The following MLLT10 variants were observed in gnomAD, a reference collection of about 807,000 sequenced individuals.
MLLT10 encodes the protein protein AF-10.
In MLLT10, 30 loss-of-function variants were observed where a neutral mutation model predicts 129.1. That is an observed-to-expected ratio of 0.23 (90% CI 0.17 to 0.32). The LOEUF is 0.32. MLLT10 is among the 10% of genes least tolerant of loss of function. The pLI is 1.00. For missense variants in MLLT10, 1,119 were observed against 1,268.3 expected, an observed-to-expected ratio of 0.88 and a Z score of 1.79; for synonymous variants, 490 against 446.4, an observed-to-expected ratio of 1.10 and a Z score of -1.23.
chr10:21,725,198 A>G (rs1311713585), intron 14 of MLLT10, among the ~76,000 whole-genome samples: 1 of 152,218 alleles, frequency 6.6e-6, no homozygotes, highest in African/African-American at 2.4e-5. Context: ...ACTAGAAGTA[A>G]AAGTTGGACT....
intron 3 of MLLT10, among the ~76,000 whole-genome samples, chr10:21,569,208 C>T (rs1241045604): frequency 6.6e-6 from 1 of 152,076 alleles, no homozygotes; most frequent in African/African-American, 2.4e-5. Flanking sequence ...TGGTGTTATT[C>T]AAGCTTCTGT....
intron 11 of MLLT10, among the ~76,000 whole-genome samples, chr10:21,680,017 G>A (rs2052575852): frequency 1.3e-5 from 2 of 151,950 alleles, no homozygotes; most frequent in Admixed American, 1.3e-4. Context: ...CACAGCCTTG[G>A]TCCTAGTTTT....
chr10:21,644,009 T>G (rs1290885105), intron 8 of MLLT10, among the ~76,000 whole-genome samples: 1 of 152,222 alleles, frequency 6.6e-6, no homozygotes, highest in Non-Finnish European at 1.5e-5. Context: ...TGGCAATGTG[T>G]ATTTTCCTTG....
intron 3 of MLLT10, among the ~76,000 whole-genome samples, chr10:21,571,207 A>G (rs1341251172): frequency 3.3e-5 from 5 of 152,254 alleles, no homozygotes; most frequent in South Asian, 2.1e-4. Flanking sequence ...TATTACCTCT[A>G]ATTCTTTTGG....
chr10:21,732,285 AGACTGAAAGTCAGCCT>A (rs1158156749), intron 17 of MLLT10, among the ~76,000 whole-genome samples: 1 of 152,222 alleles, frequency 6.6e-6, no homozygotes, highest in Non-Finnish European at 1.5e-5. Context: ...TGATGGGGCC[AGACTGAAAGTCAGCCT>A]GTTTACAGGG....
At chr10:21,738,686 C>T (rs2058584330) in intron 21 of MLLT10, 1 of 460,496 alleles carries the variant, frequency 2.2e-6, no homozygotes, top group Non-Finnish European at 2.9e-6. Context: ...CTTAACGTCA[C>T]CTGGCAACGG....
chr10:21,693,107 A>C (rs1049097054), intron 13 of MLLT10, among the ~76,000 whole-genome samples: 5 of 152,086 alleles, frequency 3.3e-5, no homozygotes, highest in Admixed American at 2.6e-4. Flanking sequence ...CTCTTAGCTG[A>C]AGTACTCTCC....
chr10:21,625,713 T>C (rs1361293764), intron 8 of MLLT10: 12 of 768,116 alleles, frequency 1.6e-5, no homozygotes, highest in Non-Finnish European at 2.9e-5. Flanking sequence ...GTCTGTTGTT[T>C]GCCACAGAAA....
Position 21,651,714 on chromosome 10 carries a change from G to T in MLLT10, c.741G>T (p.Lys247Asn), listed in dbSNP as rs779221035. ...EKDKHKQKHK[K>N]QPEPSPALVP... ...ACAAACACAAACAGAAACACAAGAA[G>T]CAGCCAGAACCATCACCTGCATTGG... The change falls in exon 9 of 23, where the codon AAG becomes AAT. Residue 247 changes from lysine (K) to asparagine (N), a missense_variant. By Grantham distance (94) the Lys-to-Asn change is moderately conservative. Transcript: ENST00000307729. 1 of 1,613,276 alleles carries T rather than the reference G, an allele frequency of 6.2e-7. No homozygotes were observed. Among genetic ancestry groups the T allele is most frequent in the East Asian group, 2.2e-5 (1 of 44,830 alleles).
intron 13 of MLLT10, among the ~76,000 whole-genome samples, chr10:21,706,994 C>T (rs544316107): frequency 1.3e-4 from 20 of 152,138 alleles, no homozygotes; most frequent in Non-Finnish European, 2.5e-4. Flanking sequence ...GTATGAACTC[C>T]TCTTCTAGGA....
chr10:21,588,190 C>T (rs902115124), intron 4 of MLLT10, among the ~76,000 whole-genome samples: 2 of 152,130 alleles, frequency 1.3e-5, no homozygotes, highest in African/African-American at 4.8e-5. Context: ...CCTCAGCCTC[C>T]CAAGTTCCTG....
chr10:21,698,123 T>G (rs1189269966), intron 13 of MLLT10, among the ~76,000 whole-genome samples: 1 of 152,220 alleles, frequency 6.6e-6, no homozygotes, highest in Non-Finnish European at 1.5e-5. Context: ...TTGCTAATGA[T>G]AGTCACCCTA....
chr10:21,736,117 C>T (rs1351100773), intron 21 of MLLT10, among the ~76,000 whole-genome samples: 1 of 152,162 alleles, frequency 6.6e-6, no homozygotes, highest in Non-Finnish European at 1.5e-5. Flanking sequence ...TAATGATTTA[C>T]ATTTTAAAGG....
intron 13 of MLLT10, chr10:21,688,510 A>G (rs74657576): frequency 6.2e-7 from 1 of 1,613,086 alleles, no homozygotes; most frequent in Non-Finnish European, 8.5e-7. Flanking sequence ...ACAGTTCTAC[A>G]CTAACAAAGC....
In MLLT10 at chr10:21,716,016, C is replaced by T. The variant is rs1009119519; in HGVS notation, c.1878+2066C>T. Reference sequence around the variant, plus strand: ...GTGCTGCTGTAGCAACCATCAGTCTCCAGGCAACTGAGGCACGTTGACCTC... The same window carrying T: ...GTGCTGCTGTAGCAACCATCAGTCTTCAGGCAACTGAGGCACGTTGACCTC... On this transcript the variant is annotated intron_variant, in intron 14 of 22. Coordinates refer to ENST00000307729, the MANE Select transcript of MLLT10 (RefSeq NM_001195626.3). Among the ~76,000 whole-genome samples, 3 of 152,218 alleles carry T rather than the reference C, an allele frequency of 2.0e-5. 1 individual carries two copies. The highest frequency in any genetic ancestry group is 6.3e-3 in the Middle Eastern group (2 of 316).
upstream of MLLT10, among the ~76,000 whole-genome samples, chr10:21,534,008 GT>G (rs578119507): frequency 8.2e-4 from 124 of 152,046 alleles, no homozygotes; most frequent in African/African-American, 2.6e-3. Context: ...CGGCCCTAAC[GT>G]CCCCGCCCCC....
At chr10:21,572,810 A>G (rs1589014774) in intron 3 of MLLT10, among the ~76,000 whole-genome samples, 1 of 151,130 alleles carries the variant, frequency 6.6e-6, no homozygotes. Context: ...ATAGGGTTTC[A>G]CCATTGTTGG....
intron 8 of MLLT10, among the ~76,000 whole-genome samples, chr10:21,628,165 C>T (rs751553435): frequency 2.4e-4 from 37 of 152,172 alleles, no homozygotes; most frequent in Non-Finnish European, 5.4e-4. Context: ...TTCCAAGCAG[C>T]GCCTGCATTT....
At chr10:21,691,388 C>G (rs944874075) in intron 13 of MLLT10, among the ~76,000 whole-genome samples, 1 of 152,106 alleles carries the variant, frequency 6.6e-6, no homozygotes, top group Non-Finnish European at 1.5e-5. Flanking sequence ...ATATATATCT[C>G]TGGATATATG....
Sources: gnomAD v4.1 joint callset for allele counts (sites outside exome capture counted in the v4.1 genomes callset) on GRCh38, gnomAD v4.1.1 for gene constraint, MANE v1.5 for transcripts, NCBI Gene and HGNC (gene_info 2026-07-23, HGNC 2026-07-21) for gene names.